The following TUBGCP2 variants were observed in gnomAD, a reference collection of about 807,000 sequenced individuals.
The protein encoded by TUBGCP2 is tubulin gamma complex component 2.
In TUBGCP2, 55 loss-of-function variants were observed where a neutral mutation model predicts 92.2. The ratio of observed to expected loss-of-function variants is 0.60; its 90% CI spans 0.48 to 0.75. The LOEUF is 0.75. TUBGCP2 is among the 30% of genes least tolerant of loss of function. TUBGCP2 has a pLI of 0.00. For synonymous variants in TUBGCP2, 533 were observed against 505.2 expected, an observed-to-expected ratio of 1.06 and a Z score of -0.74; for missense variants, 1,093 against 1,188.9, an observed-to-expected ratio of 0.92 and a Z score of 1.19.
intron 11 of TUBGCP2, among the ~76,000 whole-genome samples, chr10:133,286,215 C>T (rs1363838164): frequency 6.6e-6 from 1 of 152,090 alleles, no homozygotes; most frequent in Non-Finnish European, 1.5e-5. Flanking sequence ...CATCACTTGT[C>T]CATCAAATAG....
chr10:133,308,757 C>T (rs964673209), intron 1 of TUBGCP2, 66 bp downstream of exon 1: 2 of 343,678 alleles, frequency 5.8e-6, no homozygotes, highest in East Asian at 4.6e-5. Context: ...CCTCGTGGGC[C>T]CCCCCGGGCC....
intron 5 of TUBGCP2, among the ~76,000 whole-genome samples, chr10:133,293,993 G>C (rs1420399122): frequency 1.3e-5 from 2 of 152,224 alleles, no homozygotes; most frequent in African/African-American, 4.8e-5. Context: ...CTGGTGTCAA[G>C]ATCTCACCAC....
Position 133,279,617 on chromosome 10 carries a change from C to G in TUBGCP2, c.*149G>C. 1 of 1,253,006 alleles carries G rather than the reference C, an allele frequency of 8.0e-7. No homozygotes were observed. Among genetic ancestry groups the G allele is most frequent in the Non-Finnish European group, 1.0e-6 (1 of 958,840 alleles). The allele number at this position is 1,253,006 out of a possible 1,614,324, so 77.6% of individuals were successfully genotyped here. A position where few individuals can be genotyped will look rare whatever the true frequency, so the allele number is the denominator to read the frequency against. On this transcript the variant is annotated 3_prime_UTR_variant, in exon 18 of 18. Coordinates refer to ENST00000252936, the MANE Select transcript of TUBGCP2 (RefSeq NM_006659.4). ...GCTTCTATAAAACGAAACCCAGCGCCTTGAGAAACAAAGTGAGCTGAGTCA... is the reference window on the plus strand; with the variant it reads ...GCTTCTATAAAACGAAACCCAGCGCGTTGAGAAACAAAGTGAGCTGAGTCA...
rs745615716 is a variant in TUBGCP2 at position 133,282,259 on chromosome 10, C to A, written c.2373G>T (p.Gly791=). Residue 791 remains glycine, a synonymous_variant, in exon 16 of 18, where the codon GGG becomes GGT. Coordinates refer to ENST00000252936, the MANE Select transcript of TUBGCP2 (RefSeq NM_006659.4). ...EHSTVLGLPA[G]AEERARKELA... is the part of the protein sequence containing the mutation. ...GCTCCTTCCGGGCCCGCTCCTCGGC[C>A]CCTGCGGGCAGCCCCAGGACGGTGC... 2 of 1,611,778 alleles carry A rather than the reference C, an allele frequency of 1.2e-6. No homozygotes were observed. The highest frequency in any genetic ancestry group is 3.3e-5 in the Admixed American group (2 of 59,854).
At chr10:133,302,578 C>A in intron 2 of TUBGCP2, 2 of 595,674 alleles carry the variant, frequency 3.4e-6, no homozygotes, top group South Asian at 2.0e-5. Context: ...TCACCCTGCA[C>A]CATCCTGATC....
chr10:133,299,375 G>A lies in TUBGCP2; in HGVS notation c.456+52C>T, dbSNP rs1847575030. On this transcript the variant is annotated intron_variant, in intron 4 of 17. Coordinates refer to ENST00000252936, the MANE Select transcript of TUBGCP2 (RefSeq NM_006659.4). ...AGTGTGGGTGCCTGTGGACGCCACG[G>A]ACACAGGACCTGCTGCAGCATGGAG... is the stretch of plus-strand genomic sequence containing the variant. 9 of 1,485,326 alleles carry A rather than the reference G, an allele frequency of 6.1e-6. No individual in the cohort carries two copies. The South Asian group carries it at 1.0e-4, about 17-fold the overall frequency. 92.0% of individuals were successfully genotyped at this position (1,485,326 alleles called of 1,614,324 possible).
Position 133,288,387 on chromosome 10 carries a change from C to A in TUBGCP2, c.1542-78G>T, listed in dbSNP as rs1215186269. Reference sequence around the variant, plus strand: ...GCCAGGGAGCAGGCGTGAGCACGTGCCCACCCGCAGGTGCCCGCCACAGCC... The same window carrying A: ...GCCAGGGAGCAGGCGTGAGCACGTGACCACCCGCAGGTGCCCGCCACAGCC... On this transcript the variant is annotated intron_variant, in intron 10 of 17. Transcript: ENST00000252936. 2.6e-6 allele frequency: 4 copies of A among 1,531,530 alleles called. No homozygotes were observed. In the African/African-American group the frequency reaches 5.5e-5, roughly 21 times the overall value. 94.9% of individuals were successfully genotyped at this position (1,531,530 alleles called of 1,614,324 possible).
At chr10:133,309,194 G>A, upstream of TUBGCP2, 1 of 1,377,074 alleles carries the variant, frequency 7.3e-7, no homozygotes. Flanking sequence ...GCCTACGACT[G>A]CGGGGCGGGG....
upstream of TUBGCP2, chr10:133,310,479 G>A (rs41283331): frequency 0.026 from 17,974 of 701,538 alleles, 306 homozygotes; most frequent in Non-Finnish European, 0.033. Flanking sequence ...CTGCCGAAGG[G>A]AGGCTGGAGG....
At chr10:133,306,500 A>G (rs1417072396) in intron 1 of TUBGCP2, among the ~76,000 whole-genome samples, 1 of 152,164 alleles carries the variant, frequency 6.6e-6, no homozygotes, top group Admixed American at 6.6e-5. Flanking sequence ...TTATTTAAAA[A>G]CTACATGCTG....
intron 4 of TUBGCP2, 124 bp from the exon 5 acceptor site, chr10:133,298,235 G>A: frequency 1.9e-6 from 2 of 1,054,424 alleles, no homozygotes; most frequent in Non-Finnish European, 2.7e-6. Context: ...CACCCACAAA[G>A]GGTCAACCAC....
At chr10:133,290,002 A>G (rs1847241848) in intron 8 of TUBGCP2, 33 bp from the exon 9 acceptor site, 1 of 1,601,360 alleles carries the variant, frequency 6.2e-7, no homozygotes, top group Non-Finnish European at 8.6e-7. Flanking sequence ...GGTCACAGGC[A>G]AAGCAAGGGC....
At chr10:133,298,887 G>A (rs1847556947) in intron 4 of TUBGCP2, among the ~76,000 whole-genome samples, 1 of 152,266 alleles carries the variant, frequency 6.6e-6, no homozygotes, top group Non-Finnish European at 1.5e-5. Flanking sequence ...CAGGGACACA[G>A]CTCCAAAGGG....
chr10:133,292,001 ACCCT>A (rs1847338904), intron 8 of TUBGCP2, among the ~76,000 whole-genome samples: 2 of 3,356 alleles, frequency 6.0e-4, no homozygotes, highest in African/African-American at 1.4e-3. Context: ...GGCAGCACGC[ACCCT>A]CCGTGTCCCC....
chr10:133,299,987 CTT>C lies in TUBGCP2; in HGVS notation c.275_276del (p.Lys92ArgfsTer15), dbSNP rs780073391. 15 of 1,613,970 alleles carry C rather than the reference CTT, an allele frequency of 9.3e-6. No homozygotes were observed. The highest frequency in any genetic ancestry group is 2.2e-5 in the East Asian group (1 of 44,870). On this transcript the variant is annotated frameshift_variant, in exon 3 of 18. Transcript: ENST00000252936. LOFTEE classifies it high-confidence loss of function. ...VYLLSKLTED[K>X]ETLQYLQQNA... ...TGGCACGTGGCATGGGCACCTACCT[CTT>C]TGTCTTCCGTGAGCTTTGACAACAG...
intron 11 of TUBGCP2, among the ~76,000 whole-genome samples, chr10:133,286,613 G>A (rs557975701): frequency 3.7e-4 from 56 of 152,282 alleles, no homozygotes; most frequent in African/African-American, 1.3e-3. Context: ...TCCTCCTCCC[G>A]CGCGCACGGA....
In TUBGCP2 at chr10:133,300,128, C is replaced by T; in HGVS notation, c.151-15G>A. ...GCAATTTTAACCTCAAAAGCACAAA[C>T]ATGAGTGATTTAATGACGGTAATTA... is the stretch of plus-strand genomic sequence containing the variant. On this transcript the variant is annotated splice_polypyrimidine_tract_variant and intron_variant, in intron 2 of 17. Transcript: ENST00000252936. 6.2e-7 allele frequency: 1 copy of T among 1,608,794 alleles called. No homozygotes were observed. Among genetic ancestry groups the T allele is most frequent in the Non-Finnish European group, 8.5e-7 (1 of 1,177,052 alleles).
At chr10:133,305,524 G>A (rs1245305376) in intron 1 of TUBGCP2, among the ~76,000 whole-genome samples, 1 of 151,956 alleles carries the variant, frequency 6.6e-6, no homozygotes, top group Non-Finnish European at 1.5e-5. Context: ...TTTGTCTTGC[G>A]TCTTTATTTT....
At chr10:133,298,209 T>C in intron 4 of TUBGCP2, 98 bp from the exon 5 acceptor site, 1 of 1,331,600 alleles carries the variant, frequency 7.5e-7, no homozygotes, top group East Asian at 2.5e-5. Flanking sequence ...ACGGCAAAGA[T>C]GATTACTCAA....
Sources: gnomAD v4.1 joint callset for allele counts (sites outside exome capture counted in the v4.1 genomes callset) on GRCh38, gnomAD v4.1.1 for gene constraint, MANE v1.5 for transcripts, NCBI Gene and HGNC (gene_info 2026-07-23, HGNC 2026-07-21) for gene names.